Variants in CACNA1B observed in about 807,000 individuals in gnomAD.
CACNA1B encodes the protein calcium voltage-gated channel subunit alpha1 B.
In CACNA1B, 70 loss-of-function variants were observed where a neutral mutation model predicts 247.2. That is an observed-to-expected ratio of 0.28 (90% CI 0.23 to 0.35). The LOEUF is 0.35. Ranked by LOEUF, CACNA1B falls within the 10% of genes least tolerant of loss-of-function variation. CACNA1B has a pLI of 1.00. For synonymous variants in CACNA1B, 1,231 were observed against 1,294.4 expected (o/e 0.95, Z 1.05); for missense variants, 2,367 against 3,197.4 (o/e 0.74, Z 6.26).
intron 15 of CACNA1B, among the ~76,000 whole-genome samples, chr9:137,996,694 G>C (rs1439833870): frequency 6.6e-6 from 1 of 152,070 alleles, no homozygotes; most frequent in Non-Finnish European, 1.5e-5. Context: ...AAAATCTCCT[G>C]CTCAAGTTAC....
At chr9:138,114,009 ACTC>A (rs1564293727) in intron 40 of CACNA1B, among the ~76,000 whole-genome samples, 4 of 151,504 alleles carry the variant, frequency 2.6e-5, no homozygotes, top group South Asian at 4.2e-4. Context: ...AAGGTGCCCA[ACTC>A]CTCCTTGTGG....
intron 42 of CACNA1B, among the ~76,000 whole-genome samples, chr9:138,116,530 C>T (rs1961872807): frequency 6.6e-6 from 1 of 152,212 alleles, no homozygotes; most frequent in Non-Finnish European, 1.5e-5. Flanking sequence ...AGTCCTGATT[C>T]TGACTGTATG....
intron 3 of CACNA1B, among the ~76,000 whole-genome samples, chr9:137,894,165 G>T (rs1410932693): frequency 6.6e-6 from 1 of 152,084 alleles, no homozygotes; most frequent in Non-Finnish European, 1.5e-5. Context: ...CAATCATTAG[G>T]CCATGCTGTA....
intron 36 of CACNA1B, among the ~76,000 whole-genome samples, chr9:138,088,898 G>T (rs892374811): frequency 7.4e-6 from 1 of 135,160 alleles, no homozygotes; most frequent in Non-Finnish European, 1.6e-5. Flanking sequence ...GGCAGAGGTT[G>T]TAGTGACCGG....
rs1424928862 is a variant in CACNA1B at position 137,917,640 on chromosome 9, G to A, written c.966+209G>A. On this transcript the variant is annotated intron_variant, in intron 6 of 46. Transcript: ENST00000371372. The surrounding 1 kb of genome is among the most constrained non-coding windows in gnomAD (Gnocchi z 5.5). ...ACAGGCAGCCTCAGCTCAGACTCCT[G>A]AGGTGGGTCCTCCTGGAGTTGACTC... 6.6e-6 allele frequency among the ~76,000 whole-genome samples: 1 copy of A among 152,228 alleles called. No individual in the cohort carries two copies.
chr9:137,954,477 G>C lies in CACNA1B; in HGVS notation c.1071-1221G>C, dbSNP rs1211639340. ...GCTGCCGGCCACTGCGTGAGAAGCA[G>C]CTGCTCTGTGGAGGGGGCCAGACTG... On this transcript the variant is annotated intron_variant, in intron 7 of 46. Coordinates refer to ENST00000371372, the MANE Select transcript of CACNA1B (RefSeq NM_000718.4). This position sits in a 1 kb window ranked among gnomAD's most constrained non-coding sequence, Gnocchi z 4.1. 2.6e-5 allele frequency among the ~76,000 whole-genome samples: 4 copies of C among 152,210 alleles called. No individual in the cohort carries two copies. The highest frequency in any genetic ancestry group is 2.6e-4 in the Admixed American group (4 of 15,292).
intron 10 of CACNA1B, among the ~76,000 whole-genome samples, chr9:137,970,242 G>A (rs1286303910): frequency 6.6e-6 from 1 of 152,168 alleles, no homozygotes; most frequent in Non-Finnish European, 1.5e-5. Flanking sequence ...AAAGCCCACT[G>A]AGAGACCCAT....
Position 138,025,898 on chromosome 9 carries a change from A to G in CACNA1B, c.3286+726A>G, listed in dbSNP as rs148694664. 1.9e-4 allele frequency among the ~76,000 whole-genome samples: 29 copies of G among 152,300 alleles called. No individual in the cohort carries two copies. The East Asian group carries it at 4.6e-3, about 24-fold the overall frequency. ...GGAGGAGCCCTCCTTTCTTAAGTAC[A>G]GAGAAAAAAGGGGTAGAAGAGAGGC... On this transcript the variant is annotated intron_variant, in intron 20 of 46. Transcript: ENST00000371372.
chr9:137,884,972 T>A lies in CACNA1B; in HGVS notation c.530+2089T>A, dbSNP rs536908564. Reference sequence around the variant, plus strand: ...TCTCCCCTCTTCCCCCCCCCCCTCCTCCCACTTTGCCTGTCTAGCCCTTTG... The same window carrying A: ...TCTCCCCTCTTCCCCCCCCCCCTCCACCCACTTTGCCTGTCTAGCCCTTTG... On this transcript the variant is annotated intron_variant, in intron 3 of 46. Coordinates refer to ENST00000371372, the MANE Select transcript of CACNA1B (RefSeq NM_000718.4). 5.5e-3 allele frequency among the ~76,000 whole-genome samples: 276 copies of A among 49,812 alleles called. 7 individuals are homozygous for A. The highest frequency in any genetic ancestry group is 0.024 in the African/African-American group (264 of 11,018). 32.7% of individuals were successfully genotyped at this position (49,812 alleles called of 152,430 possible).
In CACNA1B at chr9:138,023,619, G is replaced by A; in HGVS notation, c.2876G>A (p.Arg959His). 3.3e-6 allele frequency: 4 copies of A among 1,194,326 alleles called. No homozygotes were observed. Among genetic ancestry groups the A allele is most frequent in the Non-Finnish European group, 3.1e-6 (3 of 959,740 alleles). The allele number at this position is 1,194,326 out of a possible 1,614,324, so 74.0% of individuals were successfully genotyped here. ...AAGGGCGAGCGGCGCGCGCGGCACCGCGGCGGCCCCCGAGCGGGGCCCCGG... is the reference window on the plus strand; with the variant it reads ...AAGGGCGAGCGGCGCGCGCGGCACCACGGCGGCCCCCGAGCGGGGCCCCGG... ...GAKGERRARH[R>H]GGPRAGPREA... is the part of the protein sequence containing the mutation. Residue 959 changes from arginine (R) to histidine (H), a missense_variant, in exon 19 of 47, where the codon CGC becomes CAC. By Grantham distance (29) the Arg-to-His change is conservative. Coordinates refer to ENST00000371372, the MANE Select transcript of CACNA1B (RefSeq NM_000718.4).
chr9:138,113,823 G>A (rs1157689215), intron 40 of CACNA1B, among the ~76,000 whole-genome samples: 15 of 108,484 alleles, frequency 1.4e-4, no homozygotes, highest in East Asian at 3.1e-4. Context: ...GGAGCGCCGG[G>A]AGGTGCCCAA....
At chr9:137,886,659 G>A (rs1316738984) in intron 3 of CACNA1B, among the ~76,000 whole-genome samples, 2 of 151,186 alleles carry the variant, frequency 1.3e-5, no homozygotes, top group Non-Finnish European at 2.9e-5. Context: ...AGCGGCATAG[G>A]CGTGCCCCAG....
chr9:138,083,101 C>T (rs945747542), intron 36 of CACNA1B, among the ~76,000 whole-genome samples: 5 of 150,822 alleles, frequency 3.3e-5, no homozygotes, highest in Non-Finnish European at 7.4e-5. Context: ...GAGGGAGCTG[C>T]CTGGGGTCCA....
intron 36 of CACNA1B, among the ~76,000 whole-genome samples, chr9:138,085,199 T>TA (rs1204582413): frequency 6.6e-6 from 1 of 150,566 alleles, no homozygotes; most frequent in Admixed American, 6.6e-5. Context: ...ACCAAGCAGA[T>TA]ATCCTGCAGC....
chr9:138,093,039 A>T (rs2131338132), intron 36 of CACNA1B, among the ~76,000 whole-genome samples: 1 of 152,338 alleles, frequency 6.6e-6, no homozygotes. Flanking sequence ...ATCACTAATA[A>T]TTAGGGAAAT....
rs781754435 is a variant in CACNA1B, at chr9:138,059,725, A to T, written c.4656A>T (p.Val1552=). ...TVLGSITDIL[V]TEIAETNNFI... Reference sequence around the variant, plus strand: ...TGGGAAGTATTACTGATATTTTAGTAACAGAGATTGCGGTAAGTAGCATTT... The same window carrying T: ...TGGGAAGTATTACTGATATTTTAGTTACAGAGATTGCGGTAAGTAGCATTT... Residue 1552 remains valine (V), a synonymous_variant, in exon 31 of 47, where the codon GTA becomes GTT. Coordinates refer to ENST00000371372, the MANE Select transcript of CACNA1B (RefSeq NM_000718.4). This position sits in a 1 kb window ranked among gnomAD's most constrained non-coding sequence, Gnocchi z 4.2. The T allele has an allele frequency of 3.1e-6, 5 of 1,597,126 alleles. No individual in the cohort carries two copies. The highest frequency in any genetic ancestry group is 3.4e-6 in the Non-Finnish European group (4 of 1,164,612).
rs1484375671 is a variant in CACNA1B at position 138,073,684 on chromosome 9, C to T, written c.4791+80C>T. 2.4e-6 allele frequency: 2 copies of T among 838,812 alleles called. No homozygotes were observed. Among genetic ancestry groups the T allele is most frequent in the East Asian group, 4.9e-5 (2 of 41,114 alleles). The allele number at this position is 838,812 out of a possible 1,614,324, so 52.0% of individuals were successfully genotyped here. ...CCCTGCCCCCACCACAGTGGCCCCTCCTTTGGGAGGCTGGGAGAGGGTATG... is the reference window on the plus strand; with the variant it reads ...CCCTGCCCCCACCACAGTGGCCCCTTCTTTGGGAGGCTGGGAGAGGGTATG... On this transcript the variant is annotated intron_variant, in intron 33 of 46. Coordinates refer to ENST00000371372, the MANE Select transcript of CACNA1B (RefSeq NM_000718.4). The surrounding 1 kb of genome is among the most constrained non-coding windows in gnomAD (Gnocchi z 6.4).
rs1589064784 is a variant in CACNA1B, at chr9:138,008,882, C to T, written c.2093-1128C>T. Among the ~76,000 whole-genome samples, 3 of 152,326 alleles carry T rather than the reference C, an allele frequency of 2.0e-5. No individual in the cohort carries two copies. In the East Asian group the frequency reaches 5.8e-4, roughly 29 times the overall value. Reference sequence around the variant, plus strand: ...GAGACCAAGGGTGCTGCCTGCCGTCCCATAGAGGATTGCCCAGCCCCAAAT... The same window carrying T: ...GAGACCAAGGGTGCTGCCTGCCGTCTCATAGAGGATTGCCCAGCCCCAAAT... On this transcript the variant is annotated intron_variant, in intron 16 of 46. Coordinates refer to ENST00000371372, the MANE Select transcript of CACNA1B (RefSeq NM_000718.4).
At chr9:137,910,046 C>T (rs998231924) in intron 3 of CACNA1B, among the ~76,000 whole-genome samples, 48 of 152,268 alleles carry the variant, frequency 3.2e-4, no homozygotes, top group African/African-American at 1.1e-3. Flanking sequence ...GTTGGGATTA[C>T]AGGTGTGAGC....
Sources: allele counts gnomAD v4.1 joint callset (sites outside exome capture counted in the v4.1 genomes callset), GRCh38; gene constraint gnomAD v4.1.1; non-coding constraint Gnocchi (gnomAD v3.1); transcripts MANE v1.5; gene names NCBI Gene and HGNC (gene_info 2026-07-23, HGNC 2026-07-21).